Variants in FBXO42 observed in about 807,000 individuals in gnomAD.
The protein encoded by FBXO42 is F-box protein 42, also known as F-box only protein 42.
FBXO42 carries 12 observed loss-of-function variants against 71.7 expected under a neutral mutation model. The ratio of observed to expected loss-of-function variants is 0.17; its 90% CI spans 0.11 to 0.27. The LOEUF (loss-of-function observed/expected upper bound fraction) is 0.27, where lower values mean the gene tolerates loss of function less well. Ranked by LOEUF, FBXO42 falls within the 10% of genes least tolerant of loss-of-function variation. The probability of loss-of-function intolerance (pLI) is 1.00; values close to 1 mark genes in which losing one functional copy is unlikely to be tolerated. For missense variants in FBXO42, 707 were observed against 911.9 expected, an observed-to-expected ratio of 0.78 and a Z score of 2.89; for synonymous variants, 325 against 327.5, an observed-to-expected ratio of 0.99 and a Z score of 0.08.
chr1:16,261,426 T>C lies in FBXO42; in HGVS notation c.503-4667A>G, dbSNP rs75866403. 1.6e-4 allele frequency among the ~76,000 whole-genome samples: 25 copies of C among 152,356 alleles called. 1 individual carries two copies. In the East Asian group the frequency reaches 2.3e-3, roughly 14 times the overall value. On this transcript the variant is annotated intron_variant, in intron 4 of 9. Coordinates refer to ENST00000375592, the MANE Select transcript of FBXO42 (RefSeq NM_018994.3). ...AGGCAAAATCTTTCCCTCTACTTTT[T>C]ATCTCATGAAGTTGGAGAACTCCTC...
chr1:16,342,396 C>CAA (rs34993864), intron 1 of FBXO42, among the ~76,000 whole-genome samples: 2,090 of 77,754 alleles, frequency 0.027, 87 homozygotes, highest in African/African-American at 0.1. Flanking sequence ...AACTCTGTCT[C>CAA]AAAAAAAAAA....
At chr1:16,312,999 T>C (rs2082327435) in intron 2 of FBXO42, among the ~76,000 whole-genome samples, 4 of 152,114 alleles carry the variant, frequency 2.6e-5, no homozygotes, top group Admixed American at 2.6e-4. Flanking sequence ...TTCACCATGT[T>C]GACCAGGCTG....
chr1:16,269,359 G>C (rs1227580487), intron 4 of FBXO42, among the ~76,000 whole-genome samples: 1 of 146,798 alleles, frequency 6.8e-6, no homozygotes, highest in African/African-American at 2.5e-5. Context: ...AAAGTGCTGG[G>C]ATTACAGGTA....
At chr1:16,312,794 T>A (rs1248048063) in intron 2 of FBXO42, among the ~76,000 whole-genome samples, 2 of 135,818 alleles carry the variant, frequency 1.5e-5, no homozygotes, top group African/African-American at 5.7e-5. Context: ...TCGGTTTTGT[T>A]TTGCTTTTTT....
chr1:16,337,750 G>A (rs938913747), intron 1 of FBXO42, among the ~76,000 whole-genome samples: 6 of 151,628 alleles, frequency 4.0e-5, no homozygotes, highest in Non-Finnish European at 7.4e-5. Flanking sequence ...TGGGCACGGC[G>A]ACAGGCACCT....
chr1:16,290,774 G>A (rs896376443), intron 4 of FBXO42, among the ~76,000 whole-genome samples: 7 of 151,688 alleles, frequency 4.6e-5, no homozygotes, highest in African/African-American at 7.3e-5. Flanking sequence ...ACCAGGAGCT[G>A]GGAAGAGAAT....
At position 16,252,171 on chromosome 1, in the gene FBXO42, T is replaced by C; in HGVS notation, c.1038+117A>G. The C allele has an allele frequency of 1.2e-6, 1 of 805,034 alleles. No homozygotes were observed. The highest frequency in any genetic ancestry group is 1.6e-5 in the South Asian group (1 of 60,862). 49.9% of individuals were successfully genotyped at this position (805,034 alleles called of 1,614,324 possible). A position where few individuals can be genotyped will look rare whatever the true frequency, so the allele number is the denominator to read the frequency against. ...GAGCTATGGCTAATGTTCACCTCTT[T>C]TGTGACACCAAGGTGTTTTCTATTT... On this transcript the variant is annotated intron_variant, in intron 9 of 9. Coordinates refer to ENST00000375592, the MANE Select transcript of FBXO42 (RefSeq NM_018994.3). This position sits in a 1 kb window ranked among gnomAD's most constrained non-coding sequence, Gnocchi z 4.4.
intron 1 of FBXO42, among the ~76,000 whole-genome samples, chr1:16,335,749 C>G (rs1355442541): frequency 6.6e-6 from 1 of 151,338 alleles, no homozygotes; most frequent in African/African-American, 2.4e-5. Flanking sequence ...CACCTGTAAT[C>G]CCAGCTACTA....
At chr1:16,314,245 C>T (rs766676617) in intron 2 of FBXO42, among the ~76,000 whole-genome samples, 31 of 152,248 alleles carry the variant, frequency 2.0e-4, no homozygotes, top group Admixed American at 1.3e-3. Flanking sequence ...CCACCACACC[C>T]GGCCAAGAAA....
chr1:16,266,756 T>C (rs1469587519), intron 4 of FBXO42, among the ~76,000 whole-genome samples: 1 of 152,144 alleles, frequency 6.6e-6, no homozygotes, highest in African/African-American at 2.4e-5. Flanking sequence ...CATCATGGTA[T>C]TGTGTGAAGT....
rs183963694 is a variant in FBXO42 at position 16,275,670 on chromosome 1, G to A, written c.503-18911C>T. Among the ~76,000 whole-genome samples the A allele has an allele frequency of 2.0e-4, 31 of 152,214 alleles. No individual in the cohort carries two copies. The East Asian group carries it at 5.8e-3, about 28-fold the overall frequency. On this transcript the variant is annotated intron_variant, in intron 4 of 9. Transcript: ENST00000375592. ...AAAAATAAAAAGCCATAGTTCAAGA[G>A]TTCATCTCCTCAAGGGGGAATGAGA...
chr1:16,304,084 C>T (rs936238581), intron 3 of FBXO42, among the ~76,000 whole-genome samples: 66 of 150,580 alleles, frequency 4.4e-4, no homozygotes, highest in African/African-American at 1.5e-3. Flanking sequence ...GGATTAGAGG[C>T]GTGAGCCACA....
chr1:16,325,597 A>C (rs892176098), intron 1 of FBXO42, among the ~76,000 whole-genome samples: 1 of 152,184 alleles, frequency 6.6e-6, no homozygotes, highest in Non-Finnish European at 1.5e-5. Flanking sequence ...AATAAAACAG[A>C]AAAAATTTAA....
At chr1:16,262,482 G>A (rs2081725248) in intron 4 of FBXO42, among the ~76,000 whole-genome samples, 2 of 152,142 alleles carry the variant, frequency 1.3e-5, no homozygotes, top group Admixed American at 6.5e-5. Context: ...CAAGGCGGGT[G>A]GATCACTTGA....
chr1:16,330,665 G>C (rs933871429), intron 1 of FBXO42, among the ~76,000 whole-genome samples: 4 of 152,112 alleles, frequency 2.6e-5, no homozygotes, highest in Non-Finnish European at 5.9e-5. Flanking sequence ...AAATTGGCCA[G>C]GTGCGGTGGC....
intron 1 of FBXO42, among the ~76,000 whole-genome samples, chr1:16,345,907 TG>T (rs1452081501): frequency 6.7e-6 from 1 of 148,290 alleles, no homozygotes; most frequent in East Asian, 2.0e-4. Flanking sequence ...TTCACTTCAA[TG>T]ACAGGTAGAT....
chr1:16,254,341 G>A (rs912848342), intron 6 of FBXO42, among the ~76,000 whole-genome samples: 3 of 152,182 alleles, frequency 2.0e-5, no homozygotes, highest in East Asian at 1.9e-4. Context: ...GAGAAAAAAC[G>A]ATTCAAAAGG....
At chr1:16,348,884 C>G (rs1320295997) in intron 1 of FBXO42, among the ~76,000 whole-genome samples, 1 of 152,024 alleles carries the variant, frequency 6.6e-6, no homozygotes, top group Non-Finnish European at 1.5e-5. Context: ...TAATTGTCAT[C>G]AAATTAAAAA....
At chr1:16,267,967 T>C (rs187377463) in intron 4 of FBXO42, among the ~76,000 whole-genome samples, 12 of 152,338 alleles carry the variant, frequency 7.9e-5, no homozygotes, top group Admixed American at 6.5e-4. Context: ...ACTTGATGAA[T>C]AGGGCAGCAC....
Sources: allele counts gnomAD v4.1 joint callset (sites outside exome capture counted in the v4.1 genomes callset), GRCh38; gene constraint gnomAD v4.1.1; non-coding constraint Gnocchi (gnomAD v3.1); transcripts MANE v1.5; gene names NCBI Gene and HGNC (gene_info 2026-07-23, HGNC 2026-07-21).